Variants in FAM181B observed in about 807,000 individuals in gnomAD.
The protein encoded by FAM181B is protein FAM181B.
In FAM181B, 13 loss-of-function variants were observed where a neutral mutation model predicts 17.8. The ratio of observed to expected loss-of-function variants is 0.73; its 90% CI spans 0.48 to 1.16. The LOEUF is 1.16. FAM181B is among the 50% of genes most tolerant of loss of function. FAM181B has a pLI of 0.00. For missense variants in FAM181B, 725 were observed against 634.1 expected, an observed-to-expected ratio of 1.14 and a Z score of -1.54; for synonymous variants, 338 against 316.5, an observed-to-expected ratio of 1.07 and a Z score of -0.72.
At position 82,732,294 on chromosome 11, in the gene FAM181B, C is replaced by T. The variant is rs937714457; in HGVS notation, c.*155G>A. On this transcript the variant is annotated 3_prime_UTR_variant, in exon 1 of 1. Coordinates refer to ENST00000329203, the MANE Select transcript of FAM181B (RefSeq NM_175885.4). ...TAAACAATCCCCAACTCGTCTTCAT[C>T]TCTTTTTTCTGAAGTTGCTTTTATT... 3 of 720,792 alleles carry T rather than the reference C, an allele frequency of 4.2e-6. No individual in the cohort carries two copies. In the African/African-American group the frequency reaches 5.5e-5, roughly 13 times the overall value. The allele number at this position is 720,792 out of a possible 1,614,324, so 44.6% of individuals were successfully genotyped here. A position where few individuals can be genotyped will look rare whatever the true frequency, so the allele number is the denominator to read the frequency against.
rs1324781889 is a variant in FAM181B at position 82,732,263 on chromosome 11, T to C, written c.*186A>G. 1.6e-6 allele frequency: 1 copy of C among 628,222 alleles called. No individual in the cohort carries two copies. The highest frequency in any genetic ancestry group is 2.8e-6 in the Non-Finnish European group (1 of 363,108). 38.9% of individuals were successfully genotyped at this position (628,222 alleles called of 1,614,324 possible). On this transcript the variant is annotated 3_prime_UTR_variant, in exon 1 of 1. Transcript: ENST00000329203. Reference sequence around the variant, plus strand: ...TTGTTTTTGTTTTAACACTTGAGGTTGTGATTAAACAATCCCCAACTCGTC... The same window carrying C: ...TTGTTTTTGTTTTAACACTTGAGGTCGTGATTAAACAATCCCCAACTCGTC...
rs997089527 is a variant in FAM181B, at chr11:82,730,863, G to A, written c.*1586C>T. On this transcript the variant is annotated 3_prime_UTR_variant, in exon 1 of 1. Transcript: ENST00000329203. ...TCGGTTTTCAACTAACTCACATCCA[G>A]ATATTCCTGCAATCAATCCTGGGTG... The A allele has an allele frequency of 2.0e-5, 3 of 152,194 alleles. No individual in the cohort carries two copies. Among genetic ancestry groups the A allele is most frequent in the African/African-American group, 7.2e-5 (3 of 41,432 alleles). 9.4% of individuals were successfully genotyped at this position (152,194 alleles called of 1,614,324 possible).
rs1280250551 is a variant in FAM181B, at chr11:82,732,984, T to C, written c.746A>G (p.Asp249Gly). 1 of 1,562,130 alleles carries C rather than the reference T, an allele frequency of 6.4e-7. No homozygotes were observed. Among genetic ancestry groups the C allele is most frequent in the Admixed American group, 1.8e-5 (1 of 55,934 alleles). The change falls in exon 1 of 1, where the codon GAC becomes GGC. Residue 249 changes from aspartate to glycine, a missense_variant. Asp to Gly is a moderately conservative substitution (Grantham distance 94). Transcript: ENST00000329203. ...CTTCTCCAGGTCGCCCAAGCTCACG[T>C]CCGGCCCCGACGGGCCACACCCGCC... ...GGGGCGPSGP[D>G]VSLGDLEKGA...
chr11:82,732,722 G>A lies in FAM181B; in HGVS notation c.1008C>T (p.Pro336=). The part of the protein sequence containing the change: ...VPGCSPTKKS[P]LTAPRGGLTL... ...TCAAGCCGCCGCGGGGGGCAGTCAG[G>A]GGGCTCTTTTTGGTCGGGGAGCAGC... is the stretch of plus-strand genomic sequence containing the variant. Residue 336 remains proline (P), a synonymous_variant, in exon 1 of 1, where the codon CCC becomes CCT. Transcript: ENST00000329203. The A allele has an allele frequency of 6.9e-7, 1 of 1,458,112 alleles. No homozygotes were observed. Among genetic ancestry groups the A allele is most frequent in the South Asian group, 1.5e-5 (1 of 68,742 alleles). 90.3% of individuals were successfully genotyped at this position (1,458,112 alleles called of 1,614,324 possible).
rs144572527 is a variant in FAM181B at position 82,733,743 on chromosome 11, G to A, written c.-14C>T. On this transcript the variant is annotated 5_prime_UTR_variant, in exon 1 of 1. Transcript: ENST00000329203. ...CTGCACCGCCATCGCCGCGGCTCCCGGGCTGTCCGCAGCGCTGCCCGTGCG... is the reference window on the plus strand; with the variant it reads ...CTGCACCGCCATCGCCGCGGCTCCCAGGCTGTCCGCAGCGCTGCCCGTGCG... 6,673 of 1,392,782 alleles carry A rather than the reference G, an allele frequency of 4.8e-3. 26 individuals carry two copies. The highest frequency in any genetic ancestry group is 5.5e-3 in the Non-Finnish European group (5,924 of 1,075,378). The allele number at this position is 1,392,782 out of a possible 1,614,324, so 86.3% of individuals were successfully genotyped here.
rs919604605 is a variant in FAM181B, at chr11:82,733,204, G to T, written c.526C>A (p.Pro176Thr). 1.7e-5 allele frequency: 22 copies of T among 1,322,414 alleles called. No homozygotes were observed. The highest frequency in any genetic ancestry group is 2.1e-5 in the Non-Finnish European group (22 of 1,044,288). The allele number at this position is 1,322,414 out of a possible 1,614,324, so 81.9% of individuals were successfully genotyped here. Residue 176 changes from proline (P) to threonine (T), a missense_variant, in exon 1 of 1, where the codon CCC (proline) becomes ACC (threonine). Transcript: ENST00000329203. The stretch of plus-strand genomic sequence containing the variant: ...CCCCCCGCCGGCTCGGCACCCCCGG[G>T]GACGTGGCGCAGCGAGTCGAAGAGC... ...AALFDSLRHV[P>T]GGAEPAGGEV...
Position 82,730,296 on chromosome 11 carries a change from T to C in FAM181B, c.*2153A>G, listed in dbSNP as rs535345124. The stretch of plus-strand genomic sequence containing the variant: ...TATTAAGAGGCTCAGTGAGTTAGCT[T>C]AAATGCCTGGGATGCGGAAACAATG... On this transcript the variant is annotated 3_prime_UTR_variant, in exon 1 of 1. Coordinates refer to ENST00000329203, the MANE Select transcript of FAM181B (RefSeq NM_175885.4). 3.3e-5 allele frequency: 5 copies of C among 152,318 alleles called. No individual in the cohort carries two copies. In the East Asian group the frequency reaches 7.7e-4, roughly 24 times the overall value. The allele number at this position is 152,318 out of a possible 1,614,324, so 9.4% of individuals were successfully genotyped here.
chr11:82,732,437 C>T lies in FAM181B; in HGVS notation c.*12G>A. ...CACAGCCGTCTCTAATGAAGGGAAG[C>T]GTGCCTCGAAGTCAGTCCCGGTGCG... On this transcript the variant is annotated 3_prime_UTR_variant, in exon 1 of 1. Coordinates refer to ENST00000329203, the MANE Select transcript of FAM181B (RefSeq NM_175885.4). 6.2e-7 allele frequency: 1 copy of T among 1,611,328 alleles called. No individual in the cohort carries two copies. The highest frequency in any genetic ancestry group is 8.5e-7 in the Non-Finnish European group (1 of 1,179,046).
At position 82,732,905 on chromosome 11, in the gene FAM181B, G is replaced by T; in HGVS notation, c.825C>A (p.Gly275=). ...CGGCAAGCAAGACTGCCGCCTCCGT[G>T]CCGGCGCCGTAGTCGGGCCCCAGCA... ...FELLGPDYGA[G]TEAAVLLAAE... is the part of the protein sequence containing the mutation. The change falls in exon 1 of 1, where the codon GGC becomes GGA. Residue 275 remains glycine (G), a synonymous_variant. Coordinates refer to ENST00000329203, the MANE Select transcript of FAM181B (RefSeq NM_175885.4). The T allele has an allele frequency of 6.4e-7, 1 of 1,551,032 alleles. No individual in the cohort carries two copies.
Position 82,731,345 on chromosome 11 carries a change from G to C in FAM181B, c.*1104C>G, listed in dbSNP as rs1857127662. The stretch of plus-strand genomic sequence containing the variant: ...GGAGCTGTGGAAGGAGAGAAGGAGG[G>C]ATGGTAAAGAGGATGTACAGCTTGT... On this transcript the variant is annotated 3_prime_UTR_variant, in exon 1 of 1. Transcript: ENST00000329203. 1 of 152,468 alleles carries C rather than the reference G, an allele frequency of 6.6e-6. No individual in the cohort carries two copies. Among genetic ancestry groups the C allele is most frequent in the Non-Finnish European group, 1.5e-5 (1 of 68,214 alleles). The allele number at this position is 152,468 out of a possible 1,614,324, so 9.4% of individuals were successfully genotyped here.
chr11:82,733,386 G>A lies in FAM181B; in HGVS notation c.344C>T (p.Pro115Leu). ...CGTGTCGGCGGCGCTCGGGGAGGGC[G>A]GGCCGGGGGGCGCGGCGCCCATGAG... The part of the protein sequence containing the change: ...SGLMGAAPPG[P>L]PSPSAADTPA... The change falls in exon 1 of 1, where the codon CCG (proline) becomes CTG (leucine). Residue 115 changes from proline (P) to leucine (L), a missense_variant. By Grantham distance (98) the Pro-to-Leu change is moderately conservative. Transcript: ENST00000329203. The A allele has an allele frequency of 6.9e-7, 1 of 1,459,080 alleles. No homozygotes were observed. Among genetic ancestry groups the A allele is most frequent in the Non-Finnish European group, 9.1e-7 (1 of 1,103,100 alleles). The allele number at this position is 1,459,080 out of a possible 1,614,324, so 90.4% of individuals were successfully genotyped here.
Position 82,732,398 on chromosome 11 carries a change from G to C in FAM181B, c.*51C>G. On this transcript the variant is annotated 3_prime_UTR_variant, in exon 1 of 1. Coordinates refer to ENST00000329203, the MANE Select transcript of FAM181B (RefSeq NM_175885.4). Reference sequence around the variant, plus strand: ...TTCAGATTTAGGAGAAACCCACGGAGGCGCGGCGCTCTCCACAGCCGTCTC... The same window carrying C: ...TTCAGATTTAGGAGAAACCCACGGACGCGCGGCGCTCTCCACAGCCGTCTC... The C allele has an allele frequency of 6.5e-7, 1 of 1,544,984 alleles. No individual in the cohort carries two copies. The highest frequency in any genetic ancestry group is 8.8e-7 in the Non-Finnish European group (1 of 1,132,764).
Position 82,733,329 on chromosome 11 carries a change from G to A in FAM181B, c.401C>T (p.Ala134Val). The change falls in exon 1 of 1, where the codon GCC (alanine) becomes GTC (valine). Residue 134 changes from alanine to valine, a missense_variant. Transcript: ENST00000329203. The part of the protein sequence containing the change: ...PAKRPLAAPS[A>V]PTVAAPAHGK... Reference sequence around the variant, plus strand: ...GTGGGCCGGGGCCGCGACTGTCGGGGCGCTAGGGGCGGCCAGCGGCCGTTT... The same window carrying A: ...GTGGGCCGGGGCCGCGACTGTCGGGACGCTAGGGGCGGCCAGCGGCCGTTT... The A allele has an allele frequency of 7.8e-7, 1 of 1,282,114 alleles. No homozygotes were observed. Among genetic ancestry groups the A allele is most frequent in the Non-Finnish European group, 9.8e-7 (1 of 1,017,926 alleles). 79.4% of individuals were successfully genotyped at this position (1,282,114 alleles called of 1,614,324 possible). A position where few individuals can be genotyped will look rare whatever the true frequency, so the allele number is the denominator to read the frequency against.
Position 82,730,831 on chromosome 11 carries a change from G to C in FAM181B, c.*1618C>G, listed in dbSNP as rs561114302. On this transcript the variant is annotated 3_prime_UTR_variant, in exon 1 of 1. Coordinates refer to ENST00000329203, the MANE Select transcript of FAM181B (RefSeq NM_175885.4). Reference sequence around the variant, plus strand: ...AACCTGGATTTTTACACCTCTTGCGGTAACACTCGGTTTTCAACTAACTCA... The same window carrying C: ...AACCTGGATTTTTACACCTCTTGCGCTAACACTCGGTTTTCAACTAACTCA... 6.6e-6 allele frequency: 1 copy of C among 152,236 alleles called. No individual in the cohort carries two copies. The highest frequency in any genetic ancestry group is 1.9e-4 in the East Asian group (1 of 5,184). 9.4% of individuals were successfully genotyped at this position (152,236 alleles called of 1,614,324 possible).
chr11:82,733,015 C>T lies in FAM181B; in HGVS notation c.715G>A (p.Gly239Ser). Residue 239 changes from glycine (G) to serine (S), a missense_variant, in exon 1 of 1, where the codon GGC becomes AGC. By Grantham distance (56) the Gly-to-Ser change is moderately conservative. Coordinates refer to ENST00000329203, the MANE Select transcript of FAM181B (RefSeq NM_175885.4). ...CCCGACGGGCCACACCCGCCGCCGCCTGCCCGGGACGGCTCCGTGAAGAAG... is the reference window on the plus strand; with the variant it reads ...CCCGACGGGCCACACCCGCCGCCGCTTGCCCGGGACGGCTCCGTGAAGAAG... ...PSFFTEPSRA[G>S]GGGCGPSGPD... is the part of the protein sequence containing the mutation. The T allele has an allele frequency of 1.3e-6, 2 of 1,545,660 alleles. No homozygotes were observed. Among genetic ancestry groups the T allele is most frequent in the Non-Finnish European group, 1.7e-6 (2 of 1,157,244 alleles).
At position 82,732,725 on chromosome 11, in the gene FAM181B, G is replaced by A. The variant is rs746998826; in HGVS notation, c.1005C>T (p.Ser335=). 34 of 1,457,602 alleles carry A rather than the reference G, an allele frequency of 2.3e-5. No individual in the cohort carries two copies. Among genetic ancestry groups the A allele is most frequent in the Admixed American group, 5.5e-5 (2 of 36,348 alleles). 90.3% of individuals were successfully genotyped at this position (1,457,602 alleles called of 1,614,324 possible). A position where few individuals can be genotyped will look rare whatever the true frequency, so the allele number is the denominator to read the frequency against. The change falls in exon 1 of 1, where the codon AGC becomes AGT. Residue 335 remains serine, a synonymous_variant. Coordinates refer to ENST00000329203, the MANE Select transcript of FAM181B (RefSeq NM_175885.4). ...AGCCGCCGCGGGGGGCAGTCAGGGG[G>A]CTCTTTTTGGTCGGGGAGCAGCCCG... ...SVPGCSPTKK[S]PLTAPRGGLT... is the part of the protein sequence containing the mutation.
Position 82,733,228 on chromosome 11 carries a change from G to A in FAM181B, c.502C>T (p.Leu168Phe). 1.6e-6 allele frequency: 2 copies of A among 1,283,744 alleles called. No homozygotes were observed. Among genetic ancestry groups the A allele is most frequent in the Non-Finnish European group, 2.0e-6 (2 of 1,021,212 alleles). 79.5% of individuals were successfully genotyped at this position (1,283,744 alleles called of 1,614,324 possible). A position where few individuals can be genotyped will look rare whatever the true frequency, so the allele number is the denominator to read the frequency against. The change falls in exon 1 of 1, where the codon CTC becomes TTC. Residue 168 changes from leucine to phenylalanine, a missense_variant. Physicochemically the swap from Leu to Phe is conservative, Grantham distance 22 (BLOSUM62 0). Coordinates refer to ENST00000329203, the MANE Select transcript of FAM181B (RefSeq NM_175885.4). ...ASLQSRSLAA[L>F]FDSLRHVPGG... The stretch of plus-strand genomic sequence containing the variant: ...GGGACGTGGCGCAGCGAGTCGAAGA[G>A]CGCGGCCAGACTTCGGCTTTGCAAG...
Position 82,733,743 on chromosome 11 carries a change from G to C in FAM181B, c.-14C>G, listed in dbSNP as rs144572527. ...CTGCACCGCCATCGCCGCGGCTCCC[G>C]GGCTGTCCGCAGCGCTGCCCGTGCG... On this transcript the variant is annotated 5_prime_UTR_variant, in exon 1 of 1. Coordinates refer to ENST00000329203, the MANE Select transcript of FAM181B (RefSeq NM_175885.4). 4 of 1,392,790 alleles carry C rather than the reference G, an allele frequency of 2.9e-6. No individual in the cohort carries two copies. Among genetic ancestry groups the C allele is most frequent in the African/African-American group, 1.5e-5 (1 of 66,372 alleles). The allele number at this position is 1,392,790 out of a possible 1,614,324, so 86.3% of individuals were successfully genotyped here.
chr11:82,733,083 C>T lies in FAM181B; in HGVS notation c.647G>A (p.Gly216Glu). Residue 216 changes from glycine (G) to glutamate (E), a missense_variant, in exon 1 of 1, where the codon GGG (glycine) becomes GAG (glutamate). By Grantham distance (98) the Gly-to-Glu change is moderately conservative. Transcript: ENST00000329203. The stretch of plus-strand genomic sequence containing the variant: ...TGCCCGCAGCGGGACCTTCCTGGCC[C>T]CTGGGATCGCCGTGGCCCCCGCGGG... Reference protein sequence around the residue: ...AGPAGATAIPGARKVPLRARN... With the variant: ...AGPAGATAIPEARKVPLRARN... The T allele has an allele frequency of 6.6e-7, 1 of 1,507,380 alleles. No homozygotes were observed. Among genetic ancestry groups the T allele is most frequent in the Non-Finnish European group, 8.8e-7 (1 of 1,138,706 alleles). 93.4% of individuals were successfully genotyped at this position (1,507,380 alleles called of 1,614,324 possible).
Sources: gnomAD v4.1 joint callset for allele counts on GRCh38, gnomAD v4.1.1 for gene constraint, MANE v1.5 for transcripts, NCBI Gene and HGNC (gene_info 2026-07-23, HGNC 2026-07-21) for gene names.